Variants in DZIP1L observed in about 807,000 individuals in gnomAD.
DZIP1L encodes cilium assembly protein DZIP1L.
Under a neutral mutation model 88.7 loss-of-function variants are expected in DZIP1L, and 90 were observed. The observed-to-expected ratio is 1.02, with a 90% CI of 0.86 to 1.21. DZIP1L has a LOEUF of 1.21. Ranked by LOEUF, DZIP1L falls within the 50% of genes most tolerant of loss-of-function variation. The pLI is 0.00. For synonymous variants in DZIP1L, 363 were observed against 372.1 expected (o/e 0.98, Z 0.28); for missense variants, 932 against 955.8 (o/e 0.98, Z 0.33).
chr3:138,071,493 G>T, intron 12 of DZIP1L, 150 bp downstream of exon 12: 1 of 838,012 alleles, frequency 1.2e-6, no homozygotes, highest in Non-Finnish European at 1.8e-6. Flanking sequence ...TCTGGACTCA[G>T]TCCCCTGTAA....
chr3:138,089,845 G>T (rs1243790797), intron 5 of DZIP1L, among the ~76,000 whole-genome samples: 2 of 151,978 alleles, frequency 1.3e-5, no homozygotes, highest in Non-Finnish European at 2.9e-5. Flanking sequence ...TAGGGGAAAG[G>T]TTTTTAAAAA....
At chr3:138,102,386 G>T (rs772425939) in intron 2 of DZIP1L, 10 of 1,240,924 alleles carry the variant, frequency 8.1e-6, no homozygotes, top group Non-Finnish European at 1.1e-5. Context: ...CCTCATACTT[G>T]TTCTCGAAGT....
chr3:138,103,932 G>T lies in DZIP1L; in HGVS notation c.40C>A (p.Pro14Thr). Residue 14 changes from proline (P) to threonine (T), a missense_variant, in exon 2 of 16, where the codon CCC becomes ACC. By Grantham distance (38) the Pro-to-Thr change is conservative (BLOSUM62 -1). Transcript: ENST00000327532. The part of the protein sequence containing the change: ...PAATAEGLSG[P>T]LFGAYTFPTF... ...GGGAACGTGTAGGCCCCAAAGAGGGGGCCACTGAGGCCCTCAGCAGTGGCA... is the reference window on the plus strand; with the variant it reads ...GGGAACGTGTAGGCCCCAAAGAGGGTGCCACTGAGGCCCTCAGCAGTGGCA... 6.2e-7 allele frequency: 1 copy of T among 1,613,252 alleles called. No individual in the cohort carries two copies. Among genetic ancestry groups the T allele is most frequent in the Non-Finnish European group, 8.5e-7 (1 of 1,180,010 alleles).
At chr3:138,100,863 T>C (rs1360157319) in intron 2 of DZIP1L, among the ~76,000 whole-genome samples, 2 of 152,224 alleles carry the variant, frequency 1.3e-5, no homozygotes, top group Non-Finnish European at 2.9e-5. Context: ...TAATCCATAC[T>C]TCCATGGAGA....
At chr3:138,078,249 TTCAGGTTCCA>T (rs1318011103) in intron 10 of DZIP1L, among the ~76,000 whole-genome samples, 1 of 152,238 alleles carries the variant, frequency 6.6e-6, no homozygotes, top group Non-Finnish European at 1.5e-5. Context: ...TACGGTGTTC[TTCAGGTTCCA>T]TCTGGGGGCC....
chr3:138,097,927 CATCCCCT>C, intron 2 of DZIP1L, 80 bp from the exon 3 acceptor site: 1 of 1,279,416 alleles, frequency 7.8e-7, no homozygotes, highest in South Asian at 1.3e-5. Context: ...TCAAAGCCCC[CATCCCCT>C]TGGGACCCCT....
intron 4 of DZIP1L, among the ~76,000 whole-genome samples, chr3:138,093,361 T>G (rs1192432838): frequency 2.0e-5 from 3 of 152,208 alleles, no homozygotes; most frequent in African/African-American, 7.2e-5. Context: ...TGTGCTGTCA[T>G]CCGGACTTTC....
At chr3:138,082,203 T>C (rs1362566243) in intron 8 of DZIP1L, among the ~76,000 whole-genome samples, 5 of 152,158 alleles carry the variant, frequency 3.3e-5, no homozygotes, top group East Asian at 3.9e-4. Flanking sequence ...AGGCCAGATG[T>C]AGACATTCAC....
intron 1 of DZIP1L, among the ~76,000 whole-genome samples, chr3:138,111,627 C>G (rs932000429): frequency 1.9e-4 from 29 of 152,172 alleles, no homozygotes; most frequent in African/African-American, 6.8e-4. Context: ...TAATGTACCT[C>G]AAAAGTATTA....
intron 2 of DZIP1L, among the ~76,000 whole-genome samples, chr3:138,098,232 T>G (rs1213353503): frequency 6.6e-6 from 1 of 152,108 alleles, no homozygotes; most frequent in Admixed American, 6.5e-5. Flanking sequence ...AATCCAGAAG[T>G]GAGGGAAAGT....
intron 5 of DZIP1L, chr3:138,088,949 C>A: frequency 1.0e-6 from 1 of 986,044 alleles, no homozygotes; most frequent in Non-Finnish European, 1.2e-6. Context: ...AAGGGCTTTG[C>A]ACAGCTTGAA....
intron 5 of DZIP1L, among the ~76,000 whole-genome samples, chr3:138,090,132 C>T (rs1421432905): frequency 6.6e-6 from 1 of 150,410 alleles, no homozygotes; most frequent in Non-Finnish European, 1.5e-5. Flanking sequence ...AGGGTGAGAA[C>T]CCATCTTAAA....
At chr3:138,071,499 T>C in intron 12 of DZIP1L, 144 bp downstream of exon 12, 1 of 920,480 alleles carries the variant, frequency 1.1e-6, no homozygotes, top group African/African-American at 1.7e-5. Flanking sequence ...CTCAGTCCCC[T>C]GTAAGGACCC....
chr3:138,070,172 T>TG lies in DZIP1L; in HGVS notation c.1615+1470dup, dbSNP rs1456245241. On this transcript the variant is annotated intron_variant, in intron 12 of 15. Coordinates refer to ENST00000327532, the MANE Select transcript of DZIP1L (RefSeq NM_173543.3). ...CTCCTCTGAGCTCCCACCACCCCCA[T>TG]GCTTGGCTCCATCACATCACCTGGT... Among the ~76,000 whole-genome samples, 5 of 152,264 alleles carry TG rather than the reference T, an allele frequency of 3.3e-5. No homozygotes were observed. The East Asian group carries it at 9.7e-4, about 29-fold the overall frequency.
intron 1 of DZIP1L, among the ~76,000 whole-genome samples, chr3:138,109,992 C>T (rs1320148497): frequency 3.3e-5 from 5 of 151,982 alleles, no homozygotes; most frequent in African/African-American, 9.7e-5. Flanking sequence ...ACCTAGATGA[C>T]GGGTTCATAG....
At chr3:138,089,081 T>C (rs1944086798) in intron 5 of DZIP1L, 2 of 985,474 alleles carry the variant, frequency 2.0e-6, no homozygotes, top group Non-Finnish European at 2.4e-6. Flanking sequence ...TTTCTTATAA[T>C]ATATGACTGT....
chr3:138,093,783 C>A (rs1396898814), intron 4 of DZIP1L, among the ~76,000 whole-genome samples: 2 of 152,208 alleles, frequency 1.3e-5, no homozygotes, highest in African/African-American at 4.8e-5. Flanking sequence ...TTCTCTCAGC[C>A]TTCATAGAAG....
Position 138,104,037 on chromosome 3 carries a change from G to A in DZIP1L, c.-66C>T. ...CACCAAGGCCACGGCAGTAGGCCAA[G>A]GAGCTGAGAGAAGGCCTGGAAAATA... On this transcript the variant is annotated 5_prime_UTR_variant, in exon 2 of 16. Transcript: ENST00000327532. The A allele has an allele frequency of 6.5e-7, 1 of 1,535,808 alleles. No homozygotes were observed. Among genetic ancestry groups the A allele is most frequent in the Non-Finnish European group, 8.7e-7 (1 of 1,153,152 alleles).
chr3:138,115,557 C>G lies in DZIP1L; in HGVS notation c.-311G>C, dbSNP rs572214317. 1.3e-5 allele frequency: 2 copies of G among 152,238 alleles called. No homozygotes were observed. Among genetic ancestry groups the G allele is most frequent in the South Asian group, 2.1e-4 (1 of 4,830 alleles). 9.4% of individuals were successfully genotyped at this position (152,238 alleles called of 1,614,324 possible). ...CCCGGCCCACTCCAGTGCCGCCAAC[C>G]TGCGGGACCGCGGACAGAGAGCTCC... is the stretch of plus-strand genomic sequence containing the variant. On this transcript the variant is annotated 5_prime_UTR_variant, in exon 1 of 16. Coordinates refer to ENST00000327532, the MANE Select transcript of DZIP1L (RefSeq NM_173543.3).
Sources: gnomAD v4.1 joint callset for allele counts (sites outside exome capture counted in the v4.1 genomes callset) on GRCh38, gnomAD v4.1.1 for gene constraint, MANE v1.5 for transcripts, NCBI Gene and HGNC (gene_info 2026-07-23, HGNC 2026-07-21) for gene names.